BUB3: variants seen among roughly 807,000 people sequenced by gnomAD.
BUB3 encodes the protein BUB3 mitotic checkpoint protein, also known as mitotic checkpoint protein BUB3.
BUB3 carries 22 observed loss-of-function variants against 39.9 expected under a neutral mutation model. The observed-to-expected ratio is 0.55, with a 90% CI of 0.39 to 0.79. BUB3 has a LOEUF of 0.79. Ranked by LOEUF, BUB3 falls within the 30% of genes least tolerant of loss-of-function variation. BUB3 has a pLI of 0.00. For missense variants in BUB3, 303 were observed against 415.4 expected (o/e 0.73, Z 2.35); for synonymous variants, 168 against 155.1 (o/e 1.08, Z -0.62).
intron 5 of BUB3, among the ~76,000 whole-genome samples, chr10:123,161,654 T>G (rs1430606868): frequency 1.3e-5 from 2 of 152,228 alleles, no homozygotes; most frequent in African/African-American, 4.8e-5. Flanking sequence ...GTGTGTTAGC[T>G]CTTATTTTTT....
At chr10:123,162,102 A>C (rs746688661) in intron 5 of BUB3, 134 bp from the exon 6 acceptor site, 5 of 790,780 alleles carry the variant, frequency 6.3e-6, no homozygotes, top group Non-Finnish European at 1.0e-5. Context: ...TACAGCCTAA[A>C]CACTTCATTA....
At chr10:123,156,986 G>A (rs777263793) in intron 3 of BUB3, among the ~76,000 whole-genome samples, 3 of 152,010 alleles carry the variant, frequency 2.0e-5, no homozygotes, top group Admixed American at 6.5e-5. Context: ...CTCGTGATCC[G>A]CCCACCTTGG....
intron 3 of BUB3, 72 bp from the exon 4 acceptor site, chr10:123,157,657 T>G: frequency 6.9e-7 from 1 of 1,456,056 alleles, no homozygotes; most frequent in Non-Finnish European, 9.2e-7. Context: ...TTTTAATTGT[T>G]TATTTTAGGA....
At chr10:123,160,273 A>G (rs757511351) in intron 4 of BUB3, 134 bp from the exon 5 acceptor site, 8 of 755,630 alleles carry the variant, frequency 1.1e-5, no homozygotes, top group African/African-American at 1.8e-5. Context: ...AGTATCTAAA[A>G]TTGTTATCTG....
Position 123,164,396 on chromosome 10 carries a change from G to A in BUB3, c.*561G>A, listed in dbSNP as rs1844461716. ...AGCGAGGTTAAGGTTAGACTCTTGG[G>A]AATCAGCTAGTTTTCAATCTTATTA... On this transcript the variant is annotated 3_prime_UTR_variant, in exon 8 of 8. Transcript: ENST00000368865. The A allele has an allele frequency of 1.0e-6, 1 of 985,432 alleles. No individual in the cohort carries two copies. The highest frequency in any genetic ancestry group is 1.7e-5 in the African/African-American group (1 of 57,206). 61.0% of individuals were successfully genotyped at this position (985,432 alleles called of 1,614,324 possible).
intron 2 of BUB3, 72 bp downstream of exon 2, chr10:123,155,184 T>C: frequency 1.3e-6 from 2 of 1,522,226 alleles, no homozygotes; most frequent in Non-Finnish European, 8.8e-7. Flanking sequence ...GCGTTTCTTT[T>C]CCAGTGTTGG....
chr10:123,161,803 G>A (rs1844427013), intron 5 of BUB3, among the ~76,000 whole-genome samples: 1 of 152,196 alleles, frequency 6.6e-6, no homozygotes, highest in Non-Finnish European at 1.5e-5. Flanking sequence ...GAAGACTGGT[G>A]TTCTAGTTGA....
At chr10:123,154,588 CTG>C (rs1844320334) in intron 1 of BUB3, 103 bp downstream of exon 1, 1 of 233,988 alleles carries the variant, frequency 4.3e-6, no homozygotes, top group Non-Finnish European at 8.2e-6. Flanking sequence ...CGTTTCGTTT[CTG>C]TTGTTTTCCC....
At position 123,164,816 on chromosome 10, in the gene BUB3, A is replaced by G. The variant is rs1226117619; in HGVS notation, c.*981A>G. On this transcript the variant is annotated 3_prime_UTR_variant, in exon 8 of 8. Transcript: ENST00000368865. ...GCAGAACACGAACTTAGCTTGGCCT[A>G]TTCTAGGTAGTTCCAAATAGTATTT... The G allele has an allele frequency of 4.5e-6, 6 of 1,332,180 alleles. No individual in the cohort carries two copies. The highest frequency in any genetic ancestry group is 5.8e-6 in the Non-Finnish European group (6 of 1,042,770). 82.5% of individuals were successfully genotyped at this position (1,332,180 alleles called of 1,614,324 possible).
At position 123,167,866 on chromosome 10, in the gene BUB3, G is replaced by C. The variant is rs1844509561; in HGVS notation, c.*4031G>C. On this transcript the variant is annotated 3_prime_UTR_variant, in exon 8 of 8. Coordinates refer to ENST00000368865, the MANE Select transcript of BUB3 (RefSeq NM_004725.4). ...TACATTGTGAAATGATTACCACAAG[G>C]AGGTTACTAAACATCTCCATCACCT... 1 of 150,194 alleles carries C rather than the reference G, an allele frequency of 6.7e-6. No homozygotes were observed. Among genetic ancestry groups the C allele is most frequent in the South Asian group, 2.1e-4 (1 of 4,836 alleles). 9.3% of individuals were successfully genotyped at this position (150,194 alleles called of 1,614,324 possible). A position where few individuals can be genotyped will look rare whatever the true frequency, so the allele number is the denominator to read the frequency against.
At chr10:123,161,326 T>G (rs996108882) in intron 5 of BUB3, among the ~76,000 whole-genome samples, 50 of 152,364 alleles carry the variant, frequency 3.3e-4, no homozygotes, top group African/African-American at 1.0e-3. Flanking sequence ...TTCTCTTTGC[T>G]TTTTAACCTG....
In BUB3 at chr10:123,162,730, T is replaced by G; in HGVS notation, c.873T>G (p.Leu291=). 1 of 1,613,914 alleles carries G rather than the reference T, an allele frequency of 6.2e-7. No homozygotes were observed. The highest frequency in any genetic ancestry group is 8.5e-7 in the Non-Finnish European group (1 of 1,179,878). The change falls in exon 7 of 8, where the codon CTT becomes CTG. Residue 291 remains leucine, a synonymous_variant. Transcript: ENST00000368865. ...SLAFSNDGTT[L]AIASSYMYEM... ...CCTTCAGTAATGATGGGACTACGCT[T>G]GCAATAGCGTCATCATATATGTATG...
In BUB3 at chr10:123,162,313, G is replaced by A. The variant is rs913796004; in HGVS notation, c.654G>A (p.Lys218=). The A allele has an allele frequency of 2.5e-6, 4 of 1,614,114 alleles. No individual in the cohort carries two copies. The highest frequency in any genetic ancestry group is 3.4e-6 in the Non-Finnish European group (4 of 1,179,992). ...CAAGCCCTGAGGTACAGAAGAAGAA[G>A]TATGCCTTCAAATGTCACAGACTAA... ...LDPSPEVQKK[K]YAFKCHRLKE... The change falls in exon 6 of 8, where the codon AAG becomes AAA. Residue 218 remains lysine, a synonymous_variant. Transcript: ENST00000368865.
At chr10:123,158,009 T>G in intron 4 of BUB3, 129 bp downstream of exon 4, 1 of 1,064,214 alleles carries the variant, frequency 9.4e-7, no homozygotes, top group Non-Finnish European at 1.3e-6. Flanking sequence ...AGGTTGACAG[T>G]TGGTTTTATA....
At chr10:123,159,833 G>T (rs933197440) in intron 4 of BUB3, among the ~76,000 whole-genome samples, 2 of 152,112 alleles carry the variant, frequency 1.3e-5, no homozygotes, top group African/African-American at 4.8e-5. Context: ...ACCAAAGGCT[G>T]CTAAACATCT....
Position 123,170,290 on chromosome 10 carries a change from T to C in BUB3, c.*6455T>C, listed in dbSNP as rs1327669563. The C allele has an allele frequency of 6.6e-6, 1 of 152,248 alleles. No homozygotes were observed. The highest frequency in any genetic ancestry group is 2.4e-5 in the African/African-American group (1 of 41,464). The allele number at this position is 152,248 out of a possible 1,614,324, so 9.4% of individuals were successfully genotyped here. A position where few individuals can be genotyped will look rare whatever the true frequency, so the allele number is the denominator to read the frequency against. On this transcript the variant is annotated 3_prime_UTR_variant, in exon 8 of 8. Transcript: ENST00000368865. ...TTTTACATGATGTAGTTCTCAGATA[T>C]ATACGGGATTTCTAGTTCTTAAATG... is the stretch of plus-strand genomic sequence containing the variant.
chr10:123,166,306 A>C lies in BUB3; in HGVS notation c.*2471A>C, dbSNP rs1346492112. On this transcript the variant is annotated 3_prime_UTR_variant, in exon 8 of 8. Coordinates refer to ENST00000368865, the MANE Select transcript of BUB3 (RefSeq NM_004725.4). ...CTGCCTTAAGTCCTCCATCTAATAG[A>C]GTAGTGACTTTTGAACCTTGTAGTT... The C allele has an allele frequency of 1.3e-5, 2 of 152,220 alleles. No homozygotes were observed. The highest frequency in any genetic ancestry group is 2.9e-5 in the Non-Finnish European group (2 of 68,064). 9.4% of individuals were successfully genotyped at this position (152,220 alleles called of 1,614,324 possible). A position where few individuals can be genotyped will look rare whatever the true frequency, so the allele number is the denominator to read the frequency against.
rs756472651 is a variant in BUB3, at chr10:123,154,983, C to T, written c.66C>T (p.Phe22=). 1.2e-5 allele frequency: 19 copies of T among 1,614,050 alleles called. No homozygotes were observed. Among genetic ancestry groups the T allele is most frequent in the East Asian group, 2.2e-5 (1 of 44,874 alleles). The change falls in exon 2 of 8, where the codon TTC becomes TTT. Residue 22 remains phenylalanine (F), a synonymous_variant. Coordinates refer to ENST00000368865, the MANE Select transcript of BUB3 (RefSeq NM_004725.4). ...PPEDGISSVK[F]SPNTSQFLLV... ...AGGATGGCATCTCCTCCGTGAAGTT[C>T]AGCCCCAACACCTCCCAGTTCCTGC...
In BUB3 at chr10:123,165,099, T is replaced by C; in HGVS notation, c.*1264T>C. 1 of 1,580,526 alleles carries C rather than the reference T, an allele frequency of 6.3e-7. No homozygotes were observed. Among genetic ancestry groups the C allele is most frequent in the Non-Finnish European group, 8.7e-7 (1 of 1,151,704 alleles). ...TTTCTCTATGGAAAGCTTTGTTTGC[T>C]TCCTACAAATACATGCTTATTCCTT... On this transcript the variant is annotated 3_prime_UTR_variant, in exon 8 of 8. Transcript: ENST00000368865.
Sources: gnomAD v4.1 joint callset for allele counts (sites outside exome capture counted in the v4.1 genomes callset) on GRCh38, gnomAD v4.1.1 for gene constraint, MANE v1.5 for transcripts, NCBI Gene and HGNC (gene_info 2026-07-23, HGNC 2026-07-21) for gene names.